The following ULK1 variants were observed in gnomAD, a reference collection of about 807,000 sequenced individuals.
The protein encoded by ULK1 is serine/threonine-protein kinase ULK1.
In ULK1, 48 loss-of-function variants were observed where a neutral mutation model predicts 117.5. That is an observed-to-expected ratio of 0.41 (90% CI 0.32 to 0.52). The LOEUF (loss-of-function observed/expected upper bound fraction) is 0.52, where lower values mean the gene tolerates loss of function less well. ULK1 is among the 20% of genes least tolerant of loss of function. The pLI is 0.29. For synonymous variants in ULK1, 790 were observed against 637.8 expected (o/e 1.24, Z -3.60); for missense variants, 1,387 against 1,473.4 (o/e 0.94, Z 0.96).
chr12:131,921,292 C>G lies in ULK1; in HGVS notation c.3098-14C>G, dbSNP rs188342389. 73 of 1,608,214 alleles carry G rather than the reference C, an allele frequency of 4.5e-5. No individual in the cohort carries two copies. The highest frequency in any genetic ancestry group is 6.1e-5 in the Non-Finnish European group (72 of 1,179,944). ...CTCTGGGCGTCTCCCTCACACTCCC[C>G]TCTCCCTCCACAGGCAAGCTGTGCA... is the stretch of plus-strand genomic sequence containing the variant. On this transcript the variant is annotated splice_polypyrimidine_tract_variant and intron_variant, in intron 27 of 27. Transcript: ENST00000321867.
chr12:131,905,992 T>C (rs1482636652), intron 3 of ULK1, among the ~76,000 whole-genome samples: 3 of 152,090 alleles, frequency 2.0e-5, no homozygotes, highest in East Asian at 1.9e-4. Context: ...ACCGAAGGCA[T>C]TGGGGCGAGG....
Position 131,908,630 on chromosome 12 carries a change from G to T in ULK1, c.317-14G>T, listed in dbSNP as rs1415275456. 1.6e-5 allele frequency: 23 copies of T among 1,476,968 alleles called. No individual in the cohort carries two copies. Among genetic ancestry groups the T allele is most frequent in the Non-Finnish European group, 2.0e-5 (22 of 1,119,960 alleles). 91.5% of individuals were successfully genotyped at this position (1,476,968 alleles called of 1,614,324 possible). ...AAACACGGCCCCCAGGCCCTGAGCC[G>T]CCTCTCCCCGCAGCCATGCGCACGC... On this transcript the variant is annotated splice_polypyrimidine_tract_variant and intron_variant, in intron 5 of 27. Transcript: ENST00000321867.
In ULK1 at chr12:131,921,234, G is replaced by C; in HGVS notation, c.3096G>C (p.Lys1032Asn). Residue 1032 changes from lysine to asparagine, a missense_variant and splice_region_variant, in exon 27 of 28, where the codon AAG (lysine) becomes AAC (asparagine). This residue lies in a region of ULK1 where 900 missense variants were observed against 858.9 expected (regional missense o/e 1.05). Transcript: ENST00000321867. ...SDQADIENVTKCKLCIERRLS... is the reference protein window; with the variant it reads ...SDQADIENVTNCKLCIERRLS... ...AGGCCGACATCGAGAACGTCACCAA[G>C]TGTGAGTGCCCGGCTGGGCTGGGGG... The C allele has an allele frequency of 1.2e-6, 2 of 1,607,890 alleles. No individual in the cohort carries two copies. Among genetic ancestry groups the C allele is most frequent in the Non-Finnish European group, 1.7e-6 (2 of 1,179,706 alleles).
chr12:131,912,016 C>T lies in ULK1; in HGVS notation c.1023C>T (p.Ser341=). ...ACACCGCTGGCTTCCTGCACAGCTC[C>T]CGGGACTCTGGTGGCAGCAAGGACT... ...PADTAGFLHS[S]RDSGGSKDSS... The change falls in exon 13 of 28, where the codon TCC becomes TCT. Residue 341 remains serine, a synonymous_variant. Coordinates refer to ENST00000321867, the MANE Select transcript of ULK1 (RefSeq NM_003565.4). 6.2e-7 allele frequency: 1 copy of T among 1,612,868 alleles called. No homozygotes were observed. Among genetic ancestry groups the T allele is most frequent in the Non-Finnish European group, 8.5e-7 (1 of 1,179,978 alleles).
rs369795074 is a variant in ULK1, at chr12:131,914,354, G to A, written c.1250G>A (p.Arg417Gln). 30 of 1,609,842 alleles carry A rather than the reference G, an allele frequency of 1.9e-5. No homozygotes were observed. The highest frequency in any genetic ancestry group is 2.7e-5 in the African/African-American group (2 of 74,938). Residue 417 changes from arginine (R) to glutamine (Q), a missense_variant and splice_region_variant, in exon 16 of 28, where the codon CGG (arginine) becomes CAG (glutamine). Arg to Gln is a conservative substitution (Grantham distance 43). Transcript: ENST00000321867. ...ATCCTGACCTCTCTCCACCACAGCCGGGCTGGCCCGTTCTCCAGCAGCAGG... is the reference window on the plus strand; with the variant it reads ...ATCCTGACCTCTCTCCACCACAGCCAGGCTGGCCCGTTCTCCAGCAGCAGG... ...PCSSSPSPSG[R>Q]AGPFSSSRCG... is the part of the protein sequence containing the mutation.
In ULK1 at chr12:131,908,592, C is replaced by A. The variant is rs973881173; in HGVS notation, c.317-52C>A. 22 of 1,434,742 alleles carry A rather than the reference C, an allele frequency of 1.5e-5. No homozygotes were observed. The African/African-American group carries it at 2.6e-4, about 17-fold the overall frequency. The allele number at this position is 1,434,742 out of a possible 1,614,324, so 88.9% of individuals were successfully genotyped here. A position where few individuals can be genotyped will look rare whatever the true frequency, so the allele number is the denominator to read the frequency against. On this transcript the variant is annotated intron_variant, in intron 5 of 27. Transcript: ENST00000321867. ...GACCGGCCTGGCTGCGCGGGACTCA[C>A]CCCTGGGGGAGGAAACACGGCCCCC...
rs553554266 is a variant in ULK1, at chr12:131,895,714, GGGGCGT to G, written c.204+38_204+43del. The G allele has an allele frequency of 3.7e-4, 602 of 1,614,052 alleles. 2 individuals carry two copies. Among genetic ancestry groups the G allele is most frequent in the South Asian group, 2.3e-3 (207 of 91,080 alleles). On this transcript the variant is annotated intron_variant, in intron 2 of 27. Transcript: ENST00000321867. Reference sequence around the variant, plus strand: ...TGAAGGTGAGCCAGTGCTGGGGGAGGGGGCGTGGGCGTGGGCGTGGGCAAGCCCCCC... The same window carrying G: ...TGAAGGTGAGCCAGTGCTGGGGGAGGGGGCGTGGGCGTGGGCAAGCCCCCC...
At chr12:131,920,401 A>G (rs559766031) in intron 26 of ULK1, 29 of 464,944 alleles carry the variant, frequency 6.2e-5, no homozygotes, top group African/African-American at 3.5e-4. Flanking sequence ...AAAATGAGAG[A>G]CTTGGTCTTC....
At chr12:131,914,625 G>T in intron 16 of ULK1, 148 bp downstream of exon 16, 1 of 1,133,690 alleles carries the variant, frequency 8.8e-7, no homozygotes. Context: ...CATTTACTTT[G>T]TTGATGTCTT....
At position 131,910,716 on chromosome 12, in the gene ULK1, A is replaced by C. The variant is rs1474795565; in HGVS notation, c.864A>C (p.Pro288=). The C allele has an allele frequency of 6.2e-7, 1 of 1,612,726 alleles. No individual in the cohort carries two copies. The highest frequency in any genetic ancestry group is 8.5e-7 in the Non-Finnish European group (1 of 1,179,880). The change falls in exon 12 of 28, where the codon CCA becomes CCC. Residue 288 remains proline, a synonymous_variant. Coordinates refer to ENST00000321867, the MANE Select transcript of ULK1 (RefSeq NM_003565.4). ...LDASPSVRKS[P]PVPVPSYPSS... ...ACCTATGCATGTTTATCTCAGCCCC[A>C]CCCGTGCCTGTGCCCTCGTACCCAA...
At chr12:131,897,678 C>T (rs943563604) in intron 3 of ULK1, 1 of 151,848 alleles carries the variant, frequency 6.6e-6, no homozygotes, top group East Asian at 1.9e-4. Context: ...GTGACCCTAG[C>T]ACTGTGGGAG....
intron 3 of ULK1, among the ~76,000 whole-genome samples, chr12:131,899,737 C>T (rs1159968355): frequency 6.6e-6 from 1 of 152,176 alleles, no homozygotes; most frequent in Non-Finnish European, 1.5e-5. Context: ...GGCCCCTGAG[C>T]CATTCTGCCA....
chr12:131,917,084 G>C (rs375961668), intron 21 of ULK1, 22 bp downstream of exon 21: 10 of 1,442,168 alleles, frequency 6.9e-6, no homozygotes, highest in African/African-American at 1.5e-5. Flanking sequence ...GGTGGGGCTC[G>C]GAGGCTGTGG....
intron 3 of ULK1, chr12:131,906,645 C>T: frequency 3.5e-6 from 2 of 577,966 alleles, no homozygotes; most frequent in Non-Finnish European, 6.2e-6. Context: ...CTGCCAGGAG[C>T]TGTTGCTCTT....
At chr12:131,913,458 G>A (rs1889631845) in intron 14 of ULK1, among the ~76,000 whole-genome samples, 200 bp downstream of exon 14, 1 of 151,952 alleles carries the variant, frequency 6.6e-6, no homozygotes, top group Non-Finnish European at 1.5e-5. Flanking sequence ...CACTTTGGGA[G>A]GCCGAGGCGG....
Position 131,918,499 on chromosome 12 carries a change from G to A in ULK1, c.2329G>A (p.Gly777Ser). 4 of 1,609,090 alleles carry A rather than the reference G, an allele frequency of 2.5e-6. No homozygotes were observed. Among genetic ancestry groups the A allele is most frequent in the Non-Finnish European group, 3.4e-6 (4 of 1,178,434 alleles). Residue 777 changes from glycine to serine, a missense_variant and splice_region_variant, in exon 23 of 28, where the codon GGC (glycine) becomes AGC (serine). Gly to Ser is a moderately conservative substitution (Grantham distance 56). Coordinates refer to ENST00000321867, the MANE Select transcript of ULK1 (RefSeq NM_003565.4). ...CCCTCATCGCCCTCTCCCTGCAGCG[G>A]GCCCCACTGGCTCTGCCAGCTCTTC... ...QGPRTRMFSA[G>S]PTGSASSSAR...
intron 14 of ULK1, 125 bp from the exon 15 acceptor site, chr12:131,913,622 T>C (rs1185692074): frequency 2.1e-5 from 14 of 659,700 alleles, no homozygotes; most frequent in South Asian, 6.4e-5. Context: ...GGAGAATCGC[T>C]TGAACCCAGG....
intron 3 of ULK1, among the ~76,000 whole-genome samples, chr12:131,905,854 C>T (rs1405779661): frequency 6.6e-6 from 1 of 152,054 alleles, no homozygotes; most frequent in Non-Finnish European, 1.5e-5. Flanking sequence ...CTCTGAGTTT[C>T]ATGGGGGCAG....
Position 131,919,476 on chromosome 12 carries a change from G to C in ULK1, c.2689G>C (p.Ala897Pro), listed in dbSNP as rs979497612. The C allele has an allele frequency of 6.2e-7, 1 of 1,610,114 alleles. No individual in the cohort carries two copies. The highest frequency in any genetic ancestry group is 1.3e-5 in the African/African-American group (1 of 74,898). ...TGATCTGCCTGCCGCCCCCAGCTTC[G>C]CGGAACAGCTGGTGCTGTACCTGAA... The part of the protein sequence containing the change: ...ISLLSREWGF[A>P]EQLVLYLKVA... The change falls in exon 25 of 28, where the codon GCG becomes CCG. Residue 897 changes from alanine to proline, a missense_variant. Physicochemically the swap from Ala to Pro is conservative, Grantham distance 27. Coordinates refer to ENST00000321867, the MANE Select transcript of ULK1 (RefSeq NM_003565.4).
Sources: allele counts gnomAD v4.1 joint callset (sites outside exome capture counted in the v4.1 genomes callset), GRCh38; gene constraint gnomAD v4.1.1; regional missense constraint gnomAD v4.1.1; transcripts MANE v1.5; gene names NCBI Gene and HGNC (gene_info 2026-07-23, HGNC 2026-07-21).